Variants in TVP23A observed in about 807,000 individuals in gnomAD.
The protein encoded by TVP23A is Golgi apparatus membrane protein TVP23 homolog A.
In TVP23A, 21 loss-of-function variants were observed where a neutral mutation model predicts 31.7. The ratio of observed to expected loss-of-function variants is 0.66; its 90% CI spans 0.47 to 0.95. The LOEUF is 0.95. Ranked by LOEUF, TVP23A falls within the 40% of genes least tolerant of loss-of-function variation. TVP23A has a pLI of 0.00. For missense variants in TVP23A, 279 were observed against 255.6 expected (o/e 1.09, Z -0.62); for synonymous variants, 104 against 96.0 (o/e 1.08, Z -0.49).
At chr16:10,763,102 G>C (rs979544074), downstream of TVP23A, among the ~76,000 whole-genome samples, 1 of 152,092 alleles carries the variant, frequency 6.6e-6, no homozygotes, top group Non-Finnish European at 1.5e-5. Flanking sequence ...GTCACCTGGA[G>C]GAGGGTCCGT....
intron 2 of TVP23A, among the ~76,000 whole-genome samples, chr16:10,792,156 A>G (rs369814176): frequency 2.6e-5 from 4 of 152,300 alleles, no homozygotes; most frequent in African/African-American, 7.2e-5. Flanking sequence ...CTTCTCTCTC[A>G]CTAGGAAGAA....
intron 2 of TVP23A, among the ~76,000 whole-genome samples, chr16:10,796,817 A>C (rs887521863): frequency 2.0e-5 from 3 of 152,226 alleles, no homozygotes; most frequent in Admixed American, 6.5e-5. Context: ...CAAATGAATA[A>C]GCTGTAAAAA....
Position 10,818,331 on chromosome 16 carries a change from T to G in TVP23A, c.10-149A>C. The G allele has an allele frequency of 1.5e-6, 2 of 1,352,638 alleles. No individual in the cohort carries two copies. The highest frequency in any genetic ancestry group is 5.1e-5 in the East Asian group (2 of 39,094). 83.8% of individuals were successfully genotyped at this position (1,352,638 alleles called of 1,614,324 possible). Reference sequence around the variant, plus strand: ...GCTGGCGGGGCCCCTCCGCTGCGGCTGCAGTGCAAAGCCCTCTCCACCCTC... The same window carrying G: ...GCTGGCGGGGCCCCTCCGCTGCGGCGGCAGTGCAAAGCCCTCTCCACCCTC... On this transcript the variant is annotated intron_variant, in intron 1 of 7. Transcript: ENST00000299866. The surrounding 1 kb of genome is among the most constrained non-coding windows in gnomAD (Gnocchi z 4.7).
intron 6 of TVP23A, among the ~76,000 whole-genome samples, chr16:10,771,196 C>G (rs960285880): frequency 6.6e-6 from 1 of 152,160 alleles, no homozygotes; most frequent in African/African-American, 2.4e-5. Context: ...CAGAACTATA[C>G]ATTTTAAAAT....
downstream of TVP23A, chr16:10,757,936 C>A: frequency 1.2e-6 from 2 of 1,614,098 alleles, no homozygotes; most frequent in Non-Finnish European, 8.5e-7. This position sits in a 1 kb window ranked among gnomAD's most constrained non-coding sequence, Gnocchi z 4.1. Flanking sequence ...ATTGTGGACA[C>A]CCCACCTGGG....
In TVP23A at chr16:10,777,837, C is replaced by A. The variant is rs949964667; in HGVS notation, c.90-2741G>T. On this transcript the variant is annotated intron_variant, in intron 2 of 7. Coordinates refer to ENST00000299866, the MANE Select transcript of TVP23A (RefSeq NM_001079512.4). The surrounding 1 kb of genome is among the most constrained non-coding windows in gnomAD (Gnocchi z 4.5). ...CCATCCCTGGCCAACATGGTGAAAC[C>A]CCGTCTCTACTAAAAATACAAAAAT... 7.9e-5 allele frequency among the ~76,000 whole-genome samples: 12 copies of A among 151,598 alleles called. No individual in the cohort carries two copies. The highest frequency in any genetic ancestry group is 2.9e-4 in the African/African-American group (12 of 41,226).
chr16:10,793,046 T>C (rs139480925), intron 2 of TVP23A, among the ~76,000 whole-genome samples: 1 of 152,286 alleles, frequency 6.6e-6, no homozygotes, highest in African/African-American at 2.4e-5. Context: ...CCCAGCACTC[T>C]GGGAGGCCGA....
At chr16:10,763,340 G>A (rs1024330969), downstream of TVP23A, among the ~76,000 whole-genome samples, 19 of 152,044 alleles carry the variant, frequency 1.2e-4, no homozygotes, top group Admixed American at 2.0e-4. Context: ...TGGCTGCCTC[G>A]AGGAAGTGGT....
intron 2 of TVP23A, among the ~76,000 whole-genome samples, chr16:10,794,433 C>T (rs2033275238): frequency 6.6e-6 from 1 of 152,146 alleles, no homozygotes; most frequent in Non-Finnish European, 1.5e-5. Flanking sequence ...TGCAAAGACC[C>T]TAGTTCCAAG....
At chr16:10,781,930 C>G (rs2032450193) in intron 2 of TVP23A, among the ~76,000 whole-genome samples, 1 of 130,308 alleles carries the variant, frequency 7.7e-6, no homozygotes. Context: ...GATATGATCT[C>G]GGCTCACTGC....
intron 2 of TVP23A, among the ~76,000 whole-genome samples, chr16:10,783,967 C>A (rs975044889): frequency 1.4e-4 from 22 of 152,040 alleles, no homozygotes; most frequent in African/African-American, 5.1e-4. Flanking sequence ...GCAGAGGGGA[C>A]TTTTAGAGCT....
intron 2 of TVP23A, chr16:10,808,623 T>A (rs1271573778): frequency 4.5e-6 from 2 of 445,936 alleles, no homozygotes; most frequent in Non-Finnish European, 9.0e-6. Flanking sequence ...AAAATAAAAA[T>A]AAAATTAGCA....
chr16:10,758,933 A>G (rs1900755915), downstream of TVP23A, among the ~76,000 whole-genome samples: 1 of 152,218 alleles, frequency 6.6e-6, no homozygotes, highest in South Asian at 2.1e-4. Context: ...TAAGTCCTGC[A>G]GAGAGCAACT....
At chr16:10,792,507 C>T (rs147497424) in intron 2 of TVP23A, among the ~76,000 whole-genome samples, 12 of 152,310 alleles carry the variant, frequency 7.9e-5, no homozygotes, top group Middle Eastern at 3.4e-3. Context: ...TGCACTTTAA[C>T]GAGTCTCCCG....
chr16:10,794,038 G>A (rs1293168587), intron 2 of TVP23A, among the ~76,000 whole-genome samples: 1 of 151,624 alleles, frequency 6.6e-6, no homozygotes, highest in Non-Finnish European at 1.5e-5. Context: ...TGCATTGAAT[G>A]CTGCACCCCC....
chr16:10,776,700 G>A (rs2032047885), intron 2 of TVP23A, among the ~76,000 whole-genome samples: 4 of 152,208 alleles, frequency 2.6e-5, no homozygotes, highest in Admixed American at 2.0e-4. Context: ...GAAAGTAAAG[G>A]AATAAAGAAT....
At chr16:10,816,228 C>CAAAAAA (rs760801777) in intron 2 of TVP23A, among the ~76,000 whole-genome samples, 18 of 73,804 alleles carry the variant, frequency 2.4e-4, no homozygotes, top group African/African-American at 3.4e-4. Flanking sequence ...AACCCTATCT[C>CAAAAAA]AAAAAAAAAA....
At chr16:10,783,108 G>T (rs1359630199) in intron 2 of TVP23A, among the ~76,000 whole-genome samples, 1 of 152,104 alleles carries the variant, frequency 6.6e-6, no homozygotes, top group Non-Finnish European at 1.5e-5. Flanking sequence ...AGGGATATGA[G>T]GGAGACTTCT....
chr16:10,761,235 C>T (rs1288284192), exon 9 of TVP23A: 1 of 766,778 alleles, frequency 1.3e-6, no homozygotes, highest in East Asian at 2.9e-5. Context: ...GAGCCAAACC[C>T]TATCAGGGCA....
Sources: gnomAD v4.1 joint callset for allele counts (sites outside exome capture counted in the v4.1 genomes callset) on GRCh38, gnomAD v4.1.1 for gene constraint, Gnocchi (gnomAD v3.1) non-coding constraint, MANE v1.5 for transcripts, NCBI Gene and HGNC (gene_info 2026-07-23, HGNC 2026-07-21) for gene names.